ARHGAP17: variants seen among roughly 807,000 people sequenced by gnomAD.
ARHGAP17 encodes the protein rho GTPase-activating protein 17.
In ARHGAP17, 57 loss-of-function variants were observed where a neutral mutation model predicts 99.5. The observed-to-expected ratio is 0.57, with a 90% CI of 0.46 to 0.71. The LOEUF (loss-of-function observed/expected upper bound fraction) is 0.71. Among genes scored for constraint, ARHGAP17 ranks in the 30% least tolerant of loss-of-function variants. The probability of loss-of-function intolerance (pLI) is 0.00; values close to 1 mark genes in which losing one functional copy is unlikely to be tolerated. For synonymous variants in ARHGAP17, 417 were observed against 429.6 expected, an observed-to-expected ratio of 0.97 and a Z score of 0.36; for missense variants, 1,000 against 1,122.4, an observed-to-expected ratio of 0.89 and a Z score of 1.56.
chr16:24,927,839 T>C (rs760030014), intron 19 of ARHGAP17: 1 of 357,200 alleles, frequency 2.8e-6, no homozygotes, highest in Non-Finnish European at 5.0e-6. Context: ...AAACTCTTAC[T>C]GCTCTCTAGA....
intron 1 of ARHGAP17, among the ~76,000 whole-genome samples, chr16:25,009,558 A>T (rs544738666): frequency 5.9e-4 from 90 of 152,206 alleles, no homozygotes; most frequent in African/African-American, 2.1e-3. Context: ...GCAGCAGGGG[A>T]CTGTTCTGGG....
At chr16:25,013,855 A>G (rs1291314800) in intron 1 of ARHGAP17, 1 of 152,240 alleles carries the variant, frequency 6.6e-6, no homozygotes, top group Admixed American at 6.5e-5. Flanking sequence ...CAAGGGTACG[A>G]AACTCACAAG....
At chr16:25,006,462 A>G (rs1019268731) in intron 1 of ARHGAP17, among the ~76,000 whole-genome samples, 3 of 151,730 alleles carry the variant, frequency 2.0e-5, no homozygotes, top group Non-Finnish European at 2.9e-5. Context: ...AAAAAAAAAA[A>G]AAAAGAAAAA....
At position 24,931,154 on chromosome 16, in the gene ARHGAP17, C is replaced by T. The variant is rs557700012; in HGVS notation, c.2145G>A (p.Pro715=). 6.0e-5 allele frequency: 96 copies of T among 1,592,434 alleles called. No homozygotes were observed. Among genetic ancestry groups the T allele is most frequent in the Non-Finnish European group, 7.4e-5 (87 of 1,169,736 alleles). ...LSPIQAPNHP[P]PQPPTQATPL... The stretch of plus-strand genomic sequence containing the variant: ...GCGTGGCCTGCGTAGGGGGCTGCGG[C>T]GGTGGGTGATTGGGAGCTTGGATTG... Residue 715 remains proline (P), a synonymous_variant, in exon 19 of 20, where the codon CCG becomes CCA. Coordinates refer to ENST00000289968, the MANE Select transcript of ARHGAP17 (RefSeq NM_001006634.3).
rs1185940710 is a variant in ARHGAP17 at position 24,947,580 on chromosome 16, G to A, written c.1143C>T (p.Phe381=). The A allele has an allele frequency of 6.2e-7, 1 of 1,611,520 alleles. No individual in the cohort carries two copies. The highest frequency in any genetic ancestry group is 8.5e-7 in the Non-Finnish European group (1 of 1,179,852). The change falls in exon 14 of 20, where the codon TTC becomes TTT. Residue 381 remains phenylalanine, a synonymous_variant. Coordinates refer to ENST00000289968, the MANE Select transcript of ARHGAP17 (RefSeq NM_001006634.3). ...CGCTGGTCTGAGCAAGCTTTGCAAG[G>A]AACTTGATCAAATATCTAGGGGTCA... The part of the protein sequence containing the change: ...NFVNFRYLIK[F]LAKLAQTSDV...
chr16:24,964,295 G>A lies in ARHGAP17; in HGVS notation c.475C>T (p.His159Tyr). The A allele has an allele frequency of 6.2e-7, 1 of 1,613,330 alleles. No homozygotes were observed. The highest frequency in any genetic ancestry group is 2.2e-5 in the East Asian group (1 of 44,832). The change falls in exon 7 of 20, where the codon CAC becomes TAC. Residue 159 changes from histidine to tyrosine, a missense_variant. Transcript: ENST00000289968. ...TGAAAGTTGGTTCCTGAGGATTTGT[G>A]AGCTTGGTTCCACCTGCAAAACAAA... ...DSVRARWNQA[H>Y]KSSGTNFQGL... is the part of the protein sequence containing the mutation.
intron 1 of ARHGAP17, among the ~76,000 whole-genome samples, chr16:24,981,665 G>T (rs992723326): frequency 6.6e-6 from 1 of 152,160 alleles, no homozygotes; most frequent in African/African-American, 2.4e-5. Context: ...CGTATTTTGT[G>T]GTAAGTCTTT....
At position 24,955,308 on chromosome 16, in the gene ARHGAP17, T is replaced by A. The variant is rs553363173; in HGVS notation, c.725-578A>T. The A allele has an allele frequency of 2.0e-5, 3 of 152,224 alleles. No individual in the cohort carries two copies. The highest frequency in any genetic ancestry group is 7.2e-5 in the African/African-American group (3 of 41,512). The allele number at this position is 152,224 out of a possible 1,614,324, so 9.4% of individuals were successfully genotyped here. ...GCATGCAGTGCTTCAGAACACCGCA[T>A]CCCCAAACAGCTCCGAAAAATTCTG... On this transcript the variant is annotated intron_variant, in intron 9 of 19. Transcript: ENST00000289968. The surrounding 1 kb of genome is among the most constrained non-coding windows in gnomAD (Gnocchi z 4.0).
At chr16:24,948,093 G>A (rs545781067) in intron 13 of ARHGAP17, among the ~76,000 whole-genome samples, 18 of 152,250 alleles carry the variant, frequency 1.2e-4, no homozygotes, top group African/African-American at 4.3e-4. Flanking sequence ...TCAATAGGGA[G>A]CTGCTTAAAT....
At chr16:24,947,713 A>ATC in intron 13 of ARHGAP17, 118 bp from the exon 14 acceptor site, 1 of 759,742 alleles carries the variant, frequency 1.3e-6, no homozygotes, top group Non-Finnish European at 2.2e-6. Context: ...GGGTTCCTAA[A>ATC]TCAGAATCTG....
At chr16:24,939,282 T>C (rs1167976147) in intron 17 of ARHGAP17, 82 bp downstream of exon 17, 3 of 1,298,504 alleles carry the variant, frequency 2.3e-6, no homozygotes, top group East Asian at 2.4e-5. Flanking sequence ...TCTTTGGGCA[T>C]GGATGCCGTG....
chr16:24,977,841 A>G (rs1369556604), intron 2 of ARHGAP17, among the ~76,000 whole-genome samples: 5 of 152,202 alleles, frequency 3.3e-5, no homozygotes, highest in African/African-American at 1.2e-4. Context: ...TTTATGGCAA[A>G]GAGAGCCGCT....
At position 24,964,180 on chromosome 16, in the gene ARHGAP17, T is replaced by A. The variant is rs1284655810; in HGVS notation, c.573+17A>T. ...TGCAAAAACCGAAAAGATACATTTA[T>A]CAAGGAATTCTCATACCTTGCACTG... is the stretch of plus-strand genomic sequence containing the variant. On this transcript the variant is annotated intron_variant, in intron 7 of 19. Coordinates refer to ENST00000289968, the MANE Select transcript of ARHGAP17 (RefSeq NM_001006634.3). 14 of 1,494,906 alleles carry A rather than the reference T, an allele frequency of 9.4e-6. No homozygotes were observed. Among genetic ancestry groups the A allele is most frequent in the Admixed American group, 4.3e-5 (2 of 46,542 alleles). 92.6% of individuals were successfully genotyped at this position (1,494,906 alleles called of 1,614,324 possible). A position where few individuals can be genotyped will look rare whatever the true frequency, so the allele number is the denominator to read the frequency against.
chr16:24,979,467 G>A (rs887117843), intron 1 of ARHGAP17, among the ~76,000 whole-genome samples: 2 of 152,050 alleles, frequency 1.3e-5, no homozygotes, highest in Non-Finnish European at 2.9e-5. Context: ...AACCAGAAAC[G>A]TTATGCAAAG....
intron 6 of ARHGAP17, among the ~76,000 whole-genome samples, chr16:24,967,875 G>T (rs1431649455): frequency 6.6e-6 from 1 of 151,764 alleles, no homozygotes; most frequent in Non-Finnish European, 1.5e-5. Flanking sequence ...AATCCTGACA[G>T]ACTCCTTCGC....
chr16:24,938,785 A>G (rs905810684), intron 17 of ARHGAP17, among the ~76,000 whole-genome samples: 14 of 151,690 alleles, frequency 9.2e-5, no homozygotes, highest in South Asian at 2.1e-4. Context: ...AAAAAAAAAA[A>G]AAAAAAGAAA....
intron 1 of ARHGAP17, among the ~76,000 whole-genome samples, chr16:24,997,395 T>C (rs1398580414): frequency 6.6e-6 from 1 of 152,016 alleles, no homozygotes; most frequent in East Asian, 1.9e-4. Flanking sequence ...CACACCCAGA[T>C]ATATATTCTC....
At chr16:24,976,313 G>A (rs2052514267) in intron 3 of ARHGAP17, among the ~76,000 whole-genome samples, 2 of 152,188 alleles carry the variant, frequency 1.3e-5, no homozygotes, top group Non-Finnish European at 2.9e-5. Flanking sequence ...GACTGCTTGA[G>A]GCCAGGAGTT....
At chr16:24,926,550 C>A (rs1461970574) in intron 19 of ARHGAP17, among the ~76,000 whole-genome samples, 1 of 152,222 alleles carries the variant, frequency 6.6e-6, no homozygotes, top group Non-Finnish European at 1.5e-5. Flanking sequence ...GCGTGAGCCA[C>A]CGTGCCCCAG....
Sources: gnomAD v4.1 joint callset for allele counts (sites outside exome capture counted in the v4.1 genomes callset) on GRCh38, gnomAD v4.1.1 for gene constraint, Gnocchi (gnomAD v3.1) non-coding constraint, MANE v1.5 for transcripts, NCBI Gene and HGNC (gene_info 2026-07-23, HGNC 2026-07-21) for gene names.